Variants in MRPL32 observed in about 807,000 individuals in gnomAD.
MRPL32 encodes the protein mitochondrial ribosomal protein L32.
A neutral mutation model predicts 21.7 loss-of-function variants in MRPL32; 14 were observed. That is an observed-to-expected ratio of 0.64 (90% CI 0.43 to 1.01). The LOEUF is 1.01. Among genes scored for constraint, MRPL32 ranks in the 50% least tolerant of loss-of-function variants. The pLI is 0.00. For missense variants in MRPL32, 211 were observed against 235.9 expected (o/e 0.89, Z 0.69); for synonymous variants, 83 against 87.7 (o/e 0.95, Z 0.30).
Position 42,932,523 on chromosome 7 carries a change from AAAG to A in MRPL32, c.130+11_130+13del. 6.3e-7 allele frequency: 1 copy of A among 1,595,716 alleles called. No individual in the cohort carries two copies. The highest frequency in any genetic ancestry group is 8.6e-7 in the Non-Finnish European group (1 of 1,167,176). ...TTTCCCAGTCCTCCGTGGGGTAGGT[AAAG>A]AAGGGCTCCGTGGGAGAGGGGGCTG... On this transcript the variant is annotated splice_region_variant and intron_variant, in intron 1 of 2. Transcript: ENST00000223324.
intron 1 of MRPL32, 58 bp downstream of exon 1, chr7:42,932,574 A>C: frequency 6.6e-7 from 1 of 1,515,324 alleles, no homozygotes; most frequent in Non-Finnish European, 8.9e-7. Flanking sequence ...CGGGCAGCGT[A>C]GCAGACGCAG....
intron 2 of MRPL32, chr7:42,937,062 A>G: frequency 7.7e-6 from 5 of 651,476 alleles, no homozygotes; most frequent in Non-Finnish European, 1.3e-5. Context: ...TCTTTTTTAC[A>G]TAACTACAAC....
At chr7:42,937,107 G>C in intron 2 of MRPL32, 1 of 1,164,206 alleles carries the variant, frequency 8.6e-7, no homozygotes, top group African/African-American at 1.5e-5. Flanking sequence ...GATTCAGGTT[G>C]GCTGAATTCT....
intron 1 of MRPL32, among the ~76,000 whole-genome samples, chr7:42,933,264 G>T (rs1034463576): frequency 1.5e-4 from 23 of 152,094 alleles, no homozygotes; most frequent in Non-Finnish European, 2.9e-5. Context: ...CACTTTAAAG[G>T]GGGGGCCGAG....
rs532318093 is a variant in MRPL32 at position 42,934,089 on chromosome 7, T to C, written c.131-866T>C. Among the ~76,000 whole-genome samples, 3 of 152,164 alleles carry C rather than the reference T, an allele frequency of 2.0e-5. No individual in the cohort carries two copies. In the East Asian group the frequency reaches 5.8e-4, roughly 29 times the overall value. ...TTCAAGACCAGCCTGGCCAACATTG[T>C]GAAACCCTGTCTCTACTAAAAATAC... On this transcript the variant is annotated intron_variant, in intron 1 of 2. Coordinates refer to ENST00000223324, the MANE Select transcript of MRPL32 (RefSeq NM_031903.3).
chr7:42,933,474 C>A (rs537772839), intron 1 of MRPL32, among the ~76,000 whole-genome samples: 2 of 151,314 alleles, frequency 1.3e-5, no homozygotes, highest in African/African-American at 4.9e-5. Flanking sequence ...CCTCTCCCCC[C>A]TCTCCTCTTC....
chr7:42,935,420 G>C (rs764394932), intron 2 of MRPL32: 5 of 251,620 alleles, frequency 2.0e-5, no homozygotes, highest in Non-Finnish European at 3.8e-5. Flanking sequence ...ATTGTGAGCT[G>C]TGTCAGTCTT....
rs767054802 is a variant in MRPL32 at position 42,932,467 on chromosome 7, G to A, written c.81G>A (p.Leu27=). ...TGCTTCGAAACTACTGGGAGCGACT[G>A]CTACGGAAGCTTCCGCAGAGCCGGC... is the stretch of plus-strand genomic sequence containing the variant. ...RGVLRNYWER[L]LRKLPQSRPG... Residue 27 remains leucine (L), a synonymous_variant, in exon 1 of 3, where the codon CTG becomes CTA. Coordinates refer to ENST00000223324, the MANE Select transcript of MRPL32 (RefSeq NM_031903.3). 3.7e-6 allele frequency: 6 copies of A among 1,611,598 alleles called. No homozygotes were observed. In the East Asian group the frequency reaches 1.3e-4, roughly 36 times the overall value.
chr7:42,934,524 CA>C (rs1236227716), intron 1 of MRPL32, among the ~76,000 whole-genome samples: 1 of 152,156 alleles, frequency 6.6e-6, no homozygotes, highest in Non-Finnish European at 1.5e-5. Context: ...AGGCAATTGG[CA>C]GTTACATCAG....
intron 2 of MRPL32, 197 bp from the exon 3 acceptor site, chr7:42,937,125 G>T: frequency 7.2e-7 from 1 of 1,393,566 alleles, no homozygotes; most frequent in Non-Finnish European, 9.8e-7. Context: ...TCTAGTTCTA[G>T]TTTTTCTCTA....
rs1159358778 is a variant in MRPL32 at position 42,932,490 on chromosome 7, G to T, written c.104G>T (p.Arg35Leu). The T allele has an allele frequency of 1.2e-5, 20 of 1,609,500 alleles. No homozygotes were observed. Among genetic ancestry groups the T allele is most frequent in the Non-Finnish European group, 1.7e-5 (20 of 1,176,538 alleles). Reference sequence around the variant, plus strand: ...CTGCTACGGAAGCTTCCGCAGAGCCGGCCGGGCTTTCCCAGTCCTCCGTGG... The same window carrying T: ...CTGCTACGGAAGCTTCCGCAGAGCCTGCCGGGCTTTCCCAGTCCTCCGTGG... ...ERLLRKLPQS[R>L]PGFPSPPWGP... The change falls in exon 1 of 3, where the codon CGG (arginine) becomes CTG (leucine). Residue 35 changes from arginine (R) to leucine (L), a missense_variant. Around this residue, in one of 2 missense-constraint regions of MRPL32, gnomAD observed 81 missense variants for 55.8 expected, o/e 1.45. Coordinates refer to ENST00000223324, the MANE Select transcript of MRPL32 (RefSeq NM_031903.3).
At chr7:42,932,548 G>A (rs936758246) in intron 1 of MRPL32, 32 bp downstream of exon 1, 22 of 1,567,882 alleles carry the variant, frequency 1.4e-5, no homozygotes, top group Non-Finnish European at 1.9e-5. Flanking sequence ...GGGAGAGGGG[G>A]CTGATGACGG....
intron 1 of MRPL32, among the ~76,000 whole-genome samples, chr7:42,932,936 A>G (rs1786354179): frequency 6.6e-6 from 1 of 151,906 alleles, no homozygotes; most frequent in Non-Finnish European, 1.5e-5. Context: ...GTAGAGTCAG[A>G]GAAGTGTAGT....
chr7:42,934,669 C>T (rs969739984), intron 1 of MRPL32, among the ~76,000 whole-genome samples: 6 of 152,150 alleles, frequency 3.9e-5, no homozygotes, highest in Admixed American at 2.6e-4. Context: ...AGTTAGGTGC[C>T]TATCAGAGTC....
chr7:42,936,038 CT>C (rs1057407342), intron 2 of MRPL32: 1 of 152,208 alleles, frequency 6.6e-6, no homozygotes, highest in African/African-American at 2.4e-5. Context: ...AGAAAGCTGA[CT>C]TTCATAAGCA....
At position 42,934,984 on chromosome 7, in the gene MRPL32, A is replaced by G. The variant is rs1466012439; in HGVS notation, c.160A>G (p.Met54Val). 9 of 1,613,020 alleles carry G rather than the reference A, an allele frequency of 5.6e-6. No homozygotes were observed. The highest frequency in any genetic ancestry group is 7.6e-6 in the Non-Finnish European group (9 of 1,179,636). The change falls in exon 2 of 3, where the codon ATG (methionine) becomes GTG (valine). Residue 54 changes from methionine (M) to valine (V), a missense_variant. This residue lies in a region of MRPL32 where 130 missense variants were observed against 180.1 expected (regional missense o/e 0.72). Coordinates refer to ENST00000223324, the MANE Select transcript of MRPL32 (RefSeq NM_031903.3). ...GPALAVQGPA[M>V]FTEPANDTSG... The stretch of plus-strand genomic sequence containing the variant: ...AGCATTAGCAGTACAGGGCCCAGCC[A>G]TGTTTACAGAGCCAGCAAATGATAC...
intron 1 of MRPL32, among the ~76,000 whole-genome samples, chr7:42,932,815 T>G (rs1786351156): frequency 7.1e-6 from 1 of 140,400 alleles, no homozygotes; most frequent in Non-Finnish European, 1.6e-5. Flanking sequence ...TGAAAACAGA[T>G]TTTATTCAGT....
At chr7:42,934,139 A>C (rs1366140930) in intron 1 of MRPL32, among the ~76,000 whole-genome samples, 1 of 151,920 alleles carries the variant, frequency 6.6e-6, no homozygotes, top group Admixed American at 6.6e-5. Flanking sequence ...GTGGTGGTGC[A>C]CACCTGTAAT....
At chr7:42,933,086 C>T (rs1365956) in intron 1 of MRPL32, among the ~76,000 whole-genome samples, 2,878 of 152,204 alleles carry the variant, frequency 0.019, 56 homozygotes, top group Admixed American at 0.036. Context: ...AGGAATGGCT[C>T]TCAGGGCCTT....
Sources: gnomAD v4.1 joint callset for allele counts (sites outside exome capture counted in the v4.1 genomes callset) on GRCh38, gnomAD v4.1.1 for gene constraint, gnomAD v4.1.1 regional missense constraint, MANE v1.5 for transcripts, NCBI Gene and HGNC (gene_info 2026-07-23, HGNC 2026-07-21) for gene names.